The following SORCS1 variants were observed in gnomAD, a reference collection of about 807,000 sequenced individuals.
The protein encoded by SORCS1 is VPS10 domain-containing receptor SorCS1.
A neutral mutation model predicts 146.1 loss-of-function variants in SORCS1; 60 were observed. The ratio of observed to expected loss-of-function variants is 0.41; its 90% CI spans 0.33 to 0.51. The LOEUF is 0.51. Ranked by LOEUF, SORCS1 falls within the 20% of genes least tolerant of loss-of-function variation. The pLI is 0.21. For missense variants in SORCS1, 1,352 were observed against 1,487.6 expected (o/e 0.91, Z 1.50); for synonymous variants, 637 against 584.0 (o/e 1.09, Z -1.31).
chr10:106,729,164 C>A (rs991930708), intron 6 of SORCS1, among the ~76,000 whole-genome samples: 10 of 152,200 alleles, frequency 6.6e-5, no homozygotes, highest in Non-Finnish European at 1.5e-4. Flanking sequence ...GAATTCTCAC[C>A]TGAATAGGCT....
At position 107,006,038 on chromosome 10, in the gene SORCS1, T is replaced by C. The variant is rs367948734; in HGVS notation, c.559-49458A>G. Among the ~76,000 whole-genome samples the C allele has an allele frequency of 1.7e-4, 26 of 152,332 alleles. No homozygotes were observed. The East Asian group carries it at 5.0e-3, about 29-fold the overall frequency. On this transcript the variant is annotated intron_variant, in intron 1 of 25. Coordinates refer to ENST00000263054, the MANE Select transcript of SORCS1 (RefSeq NM_052918.5). ...ACCTCCCCTTCATATTTCCCTACATTGTCCAATTTAATACATATCACAGCA... is the reference window on the plus strand; with the variant it reads ...ACCTCCCCTTCATATTTCCCTACATCGTCCAATTTAATACATATCACAGCA...
chr10:106,701,669 C>T (rs934957127), intron 8 of SORCS1, among the ~76,000 whole-genome samples: 17 of 152,106 alleles, frequency 1.1e-4, no homozygotes, highest in East Asian at 1.9e-4. Context: ...CTCATCCCAC[C>T]GCCAGACTTT....
chr10:106,670,987 C>T lies in SORCS1; in HGVS notation c.2189+250G>A, dbSNP rs148061414. Among the ~76,000 whole-genome samples the T allele has an allele frequency of 1.8e-3, 270 of 152,266 alleles. 2 individuals are homozygous for T. The highest frequency in any genetic ancestry group is 6.2e-3 in the African/African-American group (258 of 41,546). ...GGCATTACAGGCATGAGCCACCATGCCCGGCCAAATCTGCCGGTAATGAAG... is the reference window on the plus strand; with the variant it reads ...GGCATTACAGGCATGAGCCACCATGTCCGGCCAAATCTGCCGGTAATGAAG... On this transcript the variant is annotated intron_variant, in intron 16 of 25. Coordinates refer to ENST00000263054, the MANE Select transcript of SORCS1 (RefSeq NM_052918.5).
chr10:106,716,213 A>T (rs892796822), intron 6 of SORCS1, among the ~76,000 whole-genome samples: 39 of 152,184 alleles, frequency 2.6e-4, no homozygotes, highest in African/African-American at 9.4e-4. Flanking sequence ...GGCTACAAGG[A>T]GAATGTGGAA....
chr10:107,001,961 C>T (rs12246844), intron 1 of SORCS1, among the ~76,000 whole-genome samples: 24,660 of 152,154 alleles, frequency 0.16, 6,197 homozygotes, highest in African/African-American at 0.54. Context: ...ATATATTTTC[C>T]TTTCCTTTGG....
intron 2 of SORCS1, among the ~76,000 whole-genome samples, chr10:106,930,679 G>T (rs534611690): frequency 1.4e-4 from 22 of 152,200 alleles, no homozygotes; most frequent in East Asian, 1.3e-3. Context: ...CTTTGTTTTG[G>T]TTTTTTTCTT....
chr10:106,976,102 T>C (rs1955984687), intron 1 of SORCS1, among the ~76,000 whole-genome samples: 1 of 140,698 alleles, frequency 7.1e-6, no homozygotes, highest in Non-Finnish European at 1.5e-5. Flanking sequence ...GCCGAGATCA[T>C]GCGATAGTAC....
chr10:106,703,046 C>T (rs1405947310), intron 8 of SORCS1, among the ~76,000 whole-genome samples: 2 of 152,074 alleles, frequency 1.3e-5, no homozygotes, highest in African/African-American at 4.8e-5. Context: ...GCAAGAAACA[C>T]AGAATGAAGT....
chr10:106,751,017 C>T (rs1858167430), intron 5 of SORCS1, among the ~76,000 whole-genome samples: 1 of 128,396 alleles, frequency 7.8e-6, no homozygotes, highest in Non-Finnish European at 1.5e-5. Flanking sequence ...CGAGATAGTG[C>T]CACTGCACTC....
At chr10:106,620,256 G>A in intron 20 of SORCS1, 172 bp downstream of exon 20, 2 of 718,060 alleles carry the variant, frequency 2.8e-6, no homozygotes, top group East Asian at 6.2e-5. Context: ...GCCAGAGAGA[G>A]AGAGAGAGAG....
intron 9 of SORCS1, among the ~76,000 whole-genome samples, chr10:106,695,979 G>A (rs186686883): frequency 1.4e-4 from 22 of 152,258 alleles, no homozygotes; most frequent in East Asian, 3.9e-4. Context: ...TAATTTTAAT[G>A]AGCACAGTGC....
At chr10:106,740,143 A>G (rs1046345836) in intron 5 of SORCS1, among the ~76,000 whole-genome samples, 2 of 152,164 alleles carry the variant, frequency 1.3e-5, no homozygotes, top group East Asian at 3.8e-4. Context: ...AGTTGTGGAA[A>G]TGCAGTACAG....
intron 2 of SORCS1, among the ~76,000 whole-genome samples, chr10:106,941,029 T>C (rs1296666625): frequency 6.6e-6 from 1 of 152,238 alleles, no homozygotes; most frequent in African/African-American, 2.4e-5. Flanking sequence ...TTAGTATCTT[T>C]ATGACCCTGT....
chr10:107,149,672 T>C (rs907581485), intron 1 of SORCS1, among the ~76,000 whole-genome samples: 1 of 152,180 alleles, frequency 6.6e-6, no homozygotes, highest in Non-Finnish European at 1.5e-5. Context: ...GGGGAGCAAT[T>C]TATCTCTGAG....
chr10:106,684,257 G>A (rs932647281), intron 10 of SORCS1, among the ~76,000 whole-genome samples: 2 of 152,200 alleles, frequency 1.3e-5, no homozygotes, highest in African/African-American at 2.4e-5. Context: ...AGAATCACTT[G>A]AATCCAGGAG....
intron 2 of SORCS1, among the ~76,000 whole-genome samples, chr10:106,890,138 A>T (rs1387705901): frequency 2.0e-5 from 3 of 152,140 alleles, no homozygotes; most frequent in Non-Finnish European, 4.4e-5. Context: ...ATAATCACTC[A>T]AAGTGATTCT....
intron 16 of SORCS1, among the ~76,000 whole-genome samples, chr10:106,668,981 C>T (rs993128001): frequency 7.9e-5 from 12 of 152,126 alleles, no homozygotes; most frequent in African/African-American, 2.7e-4. Flanking sequence ...TGTGATGAGC[C>T]TTCCCAAATA....
At chr10:106,893,876 A>G (rs1230383772) in intron 2 of SORCS1, among the ~76,000 whole-genome samples, 1 of 152,224 alleles carries the variant, frequency 6.6e-6, no homozygotes, top group African/African-American at 2.4e-5. Flanking sequence ...CAGTTCTGAT[A>G]TTAAAACATG....
At chr10:107,028,106 T>C (rs1243544306) in intron 1 of SORCS1, among the ~76,000 whole-genome samples, 2 of 152,230 alleles carry the variant, frequency 1.3e-5, no homozygotes, top group Non-Finnish European at 2.9e-5. Flanking sequence ...ATTGAATTAA[T>C]GAGCAGTTCT....
Sources: allele counts gnomAD v4.1 joint callset (sites outside exome capture counted in the v4.1 genomes callset), GRCh38; gene constraint gnomAD v4.1.1; transcripts MANE v1.5; gene names NCBI Gene and HGNC (gene_info 2026-07-23, HGNC 2026-07-21).